The following MCM3 variants were observed in gnomAD, a reference collection of about 807,000 sequenced individuals.
The protein encoded by MCM3 is DNA replication licensing factor MCM3.
A neutral mutation model predicts 91.3 loss-of-function variants in MCM3; 59 were observed. That is an observed-to-expected ratio of 0.65 (90% CI 0.52 to 0.80). The LOEUF is 0.80. MCM3 is among the 30% of genes least tolerant of loss of function. MCM3 has a pLI of 0.00. For synonymous variants in MCM3, 383 were observed against 379.6 expected, an observed-to-expected ratio of 1.01 and a Z score of -0.10; for missense variants, 919 against 1,035.4, an observed-to-expected ratio of 0.89 and a Z score of 1.54.
rs1487478131 is a variant in MCM3, at chr6:52,282,174, A to G, written c.402T>C (p.Cys134=). 1 of 1,614,058 alleles carries G rather than the reference A, an allele frequency of 6.2e-7. No homozygotes were observed. Among genetic ancestry groups the G allele is most frequent in the Non-Finnish European group, 8.5e-7 (1 of 1,179,932 alleles). Residue 134 remains cysteine, a splice_region_variant and synonymous_variant, in exon 4 of 17, where the codon TGT becomes TGC. Transcript: ENST00000596288. Reference sequence around the variant, plus strand: ...GGACGACTTTGGGACGAACTAGAGAACCTAGGGATGGAAAATGTGCATATA... The same window carrying G: ...GGACGACTTTGGGACGAACTAGAGAGCCTAGGGATGGAAAATGTGCATATA... ...VVCVEGIVTK[C]SLVRPKVVRS...
intron 4 of MCM3, among the ~76,000 whole-genome samples, chr6:52,280,042 T>C (rs77574621): frequency 1.1e-3 from 170 of 152,314 alleles, no homozygotes; most frequent in African/African-American, 2.4e-3. Flanking sequence ...ATGAATACTA[T>C]ACAGCAATAA....
chr6:52,277,117 C>T lies in MCM3; in HGVS notation c.1115G>A (p.Gly372Asp). 1.2e-6 allele frequency: 2 copies of T among 1,614,126 alleles called. No homozygotes were observed. The highest frequency in any genetic ancestry group is 1.7e-6 in the Non-Finnish European group (2 of 1,180,008). The change falls in exon 8 of 17, where the codon GGC (glycine) becomes GAC (aspartate). Residue 372 changes from glycine to aspartate, a missense_variant. Gly to Asp is a moderately conservative substitution (Grantham distance 94). This residue lies in a region of MCM3 where 233 missense variants were observed against 321.2 expected (regional missense o/e 0.73). Transcript: ENST00000596288. ...APRAIPTTGR[G>D]SSGVGLTAAV... ...AGCCGTCAGACCCACTCCAGAGGAG[C>T]CCCGGCCAGTGGTGGGGATAGCTCG... is the stretch of plus-strand genomic sequence containing the variant.
rs1024450790 is a variant in MCM3, at chr6:52,279,478, T to C, written c.653A>G (p.Asp218Gly). The C allele has an allele frequency of 2.5e-6, 4 of 1,614,062 alleles. No homozygotes were observed. The African/African-American group carries it at 4.0e-5, about 16-fold the overall frequency. ...CACCAAGTCATCATCCAGAATGACG[T>C]CCACAGAGCGGGGGAGCTGGCCGGC... is the stretch of plus-strand genomic sequence containing the variant. ...APAGQLPRSVDVILDDDLVDK... is the reference protein window; with the variant it reads ...APAGQLPRSVGVILDDDLVDK... Residue 218 changes from aspartate (D) to glycine (G), a missense_variant, in exon 5 of 17, where the codon GAC becomes GGC. Physicochemically the swap from Asp to Gly is moderately conservative, Grantham distance 94 (BLOSUM62 -1). Transcript: ENST00000596288.
intron 12 of MCM3, among the ~76,000 whole-genome samples, chr6:52,271,962 C>T (rs1003951255): frequency 6.6e-6 from 1 of 152,154 alleles, no homozygotes; most frequent in Non-Finnish European, 1.5e-5. Context: ...GCTTCCCCCG[C>T]TCCGGATCTG....
At chr6:52,266,542 C>A in intron 15 of MCM3, 69 bp downstream of exon 15, 1 of 1,390,464 alleles carries the variant, frequency 7.2e-7, no homozygotes, top group South Asian at 1.2e-5. Flanking sequence ...AAATAAAGTG[C>A]ACAGAGCAAC....
At position 52,279,346 on chromosome 6, in the gene MCM3, A is replaced by T; in HGVS notation, c.770+15T>A. ...TGTCAACAGCATTCCATATACTTTA[A>T]GGCAGACCCTTTACCTGAAGGTCCC... is the stretch of plus-strand genomic sequence containing the variant. On this transcript the variant is annotated intron_variant, in intron 5 of 16. Coordinates refer to ENST00000596288, the MANE Select transcript of MCM3 (RefSeq NM_002388.6). 1 of 1,600,784 alleles carries T rather than the reference A, an allele frequency of 6.2e-7. No homozygotes were observed. The highest frequency in any genetic ancestry group is 8.6e-7 in the Non-Finnish European group (1 of 1,168,654).
At chr6:52,282,007 C>T in intron 4 of MCM3, 38 bp downstream of exon 4, 2 of 1,602,178 alleles carry the variant, frequency 1.2e-6, no homozygotes, top group Middle Eastern at 3.3e-4. Flanking sequence ...TCTTTGATTC[C>T]AACCTCCAAG....
At position 52,273,865 on chromosome 6, in the gene MCM3, G is replaced by A. The variant is rs1329661735; in HGVS notation, c.1426C>T (p.Leu476=). ...ATGAAGAGCAAGTCAAATCGTGACAGCAGTGAGTCCTGTAGCCCAATGTTC... is the reference window on the plus strand; with the variant it reads ...ATGAAGAGCAAGTCAAATCGTGACAACAGTGAGTCCTGTAGCCCAATGTTC... ...MENIGLQDSL[L]SRFDLLFIML... The change falls in exon 10 of 17, where the codon CTG becomes TTG. Residue 476 remains leucine (L), a synonymous_variant. Transcript: ENST00000596288. The A allele has an allele frequency of 1.2e-6, 2 of 1,614,028 alleles. No homozygotes were observed. Among genetic ancestry groups the A allele is most frequent in the South Asian group, 1.1e-5 (1 of 91,074 alleles).
chr6:52,271,586 G>C (rs1765131649), intron 12 of MCM3, among the ~76,000 whole-genome samples: 1 of 152,180 alleles, frequency 6.6e-6, no homozygotes, highest in South Asian at 2.1e-4. Context: ...AGATTGCAGT[G>C]AGTTGAGATC....
rs1019969116 is a variant in MCM3 at position 52,281,536 on chromosome 6, C to T, written c.531+509G>A. Among the ~76,000 whole-genome samples, 12 of 152,022 alleles carry T rather than the reference C, an allele frequency of 7.9e-5. No homozygotes were observed. In the East Asian group the frequency reaches 1.4e-3, roughly 17 times the overall value. ...AGAAAAAAGTGAAAAAAAAAATTAG[C>T]GGACCTGGTGGTGCATGCCTATAAT... On this transcript the variant is annotated intron_variant, in intron 4 of 16. Transcript: ENST00000596288.
At chr6:52,276,223 A>G in intron 9 of MCM3, 45 bp downstream of exon 9, 1 of 1,552,348 alleles carries the variant, frequency 6.4e-7, no homozygotes, top group South Asian at 1.2e-5. Flanking sequence ...AGTCAGCAAA[A>G]CCAAATGAAG....
rs1280734681 is a variant in MCM3, at chr6:52,264,029, T to C, written c.*559A>G. ...GACTATTAAGACCATGTGTACGAAATGGCTAAGTTTATTCAACATCTCGGA... is the reference window on the plus strand; with the variant it reads ...GACTATTAAGACCATGTGTACGAAACGGCTAAGTTTATTCAACATCTCGGA... On this transcript the variant is annotated 3_prime_UTR_variant, in exon 17 of 17. Coordinates refer to ENST00000596288, the MANE Select transcript of MCM3 (RefSeq NM_002388.6). The C allele has an allele frequency of 6.4e-6, 1 of 157,216 alleles. No homozygotes were observed. Among genetic ancestry groups the C allele is most frequent in the Non-Finnish European group, 1.4e-5 (1 of 71,008 alleles). The allele number at this position is 157,216 out of a possible 1,614,324, so 9.7% of individuals were successfully genotyped here.
intron 8 of MCM3, 63 bp downstream of exon 8, chr6:52,277,004 C>A: frequency 1.3e-6 from 2 of 1,560,876 alleles, no homozygotes; most frequent in South Asian, 1.2e-5. Context: ...CAAGCCAGGG[C>A]ACACAAAGGA....
At chr6:52,279,336 A>G (rs1381513060) in intron 5 of MCM3, 25 bp downstream of exon 5, 5 of 1,580,678 alleles carry the variant, frequency 3.2e-6, no homozygotes, top group Non-Finnish European at 4.3e-6. Context: ...ACAGCATTCC[A>G]TATACTTTAA....
intron 14 of MCM3, among the ~76,000 whole-genome samples, chr6:52,267,021 T>C (rs1477872116): frequency 6.6e-6 from 1 of 152,030 alleles, no homozygotes; most frequent in African/African-American, 2.4e-5. Context: ...TCCTACTATT[T>C]AGCATTTCTT....
intron 11 of MCM3, 64 bp from the exon 12 acceptor site, chr6:52,272,515 C>T (rs12207056): frequency 0.4 from 633,015 of 1,591,032 alleles, 131,803 homozygotes; most frequent in South Asian, 0.44. Flanking sequence ...GGATTAGTGG[C>T]TTTGCCTCTC....
At chr6:52,282,941 GATC>G in intron 2 of MCM3, 80 bp from the exon 3 acceptor site, 3 of 993,174 alleles carry the variant, frequency 3.0e-6, no homozygotes, top group South Asian at 2.9e-5. Context: ...GACATTCTTA[GATC>G]ATTAAAAACA....
intron 14 of MCM3, 36 bp downstream of exon 14, chr6:52,267,829 C>T: frequency 2.4e-6 from 2 of 826,676 alleles, no homozygotes; most frequent in Non-Finnish European, 2.1e-6. Context: ...TTCTTGGCCA[C>T]TAACTTTTTA....
rs9968991 is a variant in MCM3, at chr6:52,273,016, C to T, written c.1676+214G>A. Among the ~76,000 whole-genome samples, 189 of 152,302 alleles carry T rather than the reference C, an allele frequency of 1.2e-3. 1 individual carries two copies. The highest frequency in any genetic ancestry group is 4.0e-3 in the African/African-American group (168 of 41,570). ...ACTCTATTTTAAGAAAAGACCTGAA[C>T]CTGCGCTGAATCACCTAAACATTTA... is the stretch of plus-strand genomic sequence containing the variant. On this transcript the variant is annotated intron_variant, in intron 11 of 16. Transcript: ENST00000596288.
Sources: allele counts gnomAD v4.1 joint callset (sites outside exome capture counted in the v4.1 genomes callset), GRCh38; gene constraint gnomAD v4.1.1; regional missense constraint gnomAD v4.1.1; transcripts MANE v1.5; gene names NCBI Gene and HGNC (gene_info 2026-07-23, HGNC 2026-07-21).